Variants in NRP1 observed in about 807,000 individuals in gnomAD.
The protein encoded by NRP1 is neuropilin 1, also known as neuropilin-1.
A neutral mutation model predicts 106.7 loss-of-function variants in NRP1; 35 were observed. The observed-to-expected ratio is 0.33, with a 90% CI of 0.25 to 0.43. The LOEUF is 0.43. NRP1 is among the 20% of genes least tolerant of loss of function. The pLI, the probability that NRP1 is intolerant of heterozygous loss-of-function variation, is 1.00. For synonymous variants in NRP1, 437 were observed against 417.9 expected, an observed-to-expected ratio of 1.05 and a Z score of -0.56; for missense variants, 1,024 against 1,170.4, an observed-to-expected ratio of 0.87 and a Z score of 1.83.
In NRP1 at chr10:33,270,844, C is replaced by G; in HGVS notation, c.261G>C (p.Val87=). Residue 87 remains valine, a synonymous_variant, in exon 3 of 17, where the codon GTG becomes GTC. Transcript: ENST00000374867. ...LEDRDCKYDY[V]EVFDGENENG... ...TTTCATTTTCTCCATCGAAGACTTC[C>G]ACGTAGTCATACCTAATACACAAAC... 1 of 1,611,128 alleles carries G rather than the reference C, an allele frequency of 6.2e-7. No individual in the cohort carries two copies. The highest frequency in any genetic ancestry group is 8.5e-7 in the Non-Finnish European group (1 of 1,178,606).
intron 7 of NRP1, among the ~76,000 whole-genome samples, chr10:33,222,372 C>T (rs1174736589): frequency 1.3e-5 from 2 of 152,176 alleles, no homozygotes; most frequent in African/African-American, 4.8e-5. Context: ...TCTTGTCCCT[C>T]ACACTAATGC....
At chr10:33,270,902 C>T in intron 2 of NRP1, 46 bp from the exon 3 acceptor site, 2 of 1,486,072 alleles carry the variant, frequency 1.3e-6, no homozygotes, top group East Asian at 2.4e-5. Context: ...TGAGAAATGC[C>T]CTTTTAATTT....
At chr10:33,286,418 T>A (rs78193148) in intron 2 of NRP1, among the ~76,000 whole-genome samples, 1 of 152,262 alleles carries the variant, frequency 6.6e-6, no homozygotes, top group East Asian at 1.9e-4. Context: ...ATCCTCCTCC[T>A]ACATCTGCCC....
rs766252120 is a variant in NRP1 at position 33,197,634 on chromosome 10, G to T, written c.1924+16C>A. On this transcript the variant is annotated intron_variant, in intron 12 of 16. Coordinates refer to ENST00000374867, the MANE Select transcript of NRP1 (RefSeq NM_003873.7). ...AGGTACATGGAATCTGTCACATTTC[G>T]TATTTTATTTGATACCTGATTGTAT... 2 of 1,586,940 alleles carry T rather than the reference G, an allele frequency of 1.3e-6. No individual in the cohort carries two copies. Among genetic ancestry groups the T allele is most frequent in the South Asian group, 1.2e-5 (1 of 85,984 alleles).
intron 12 of NRP1, chr10:33,195,473 T>C (rs977872363): frequency 3.8e-6 from 2 of 533,046 alleles, no homozygotes; most frequent in Non-Finnish European, 7.7e-6. Context: ...CAAGATGAAA[T>C]AGTAAGACTC....
At chr10:33,266,443 C>T (rs949564940) in intron 3 of NRP1, among the ~76,000 whole-genome samples, 9 of 152,194 alleles carry the variant, frequency 5.9e-5, no homozygotes, top group African/African-American at 2.2e-4. Flanking sequence ...GTGAGTTGGA[C>T]TTTAGAATTT....
chr10:33,292,824 C>T (rs879606258), intron 2 of NRP1, among the ~76,000 whole-genome samples: 3 of 152,130 alleles, frequency 2.0e-5, no homozygotes, highest in Admixed American at 6.6e-5. Context: ...CCTGTCTCTA[C>T]TAAAAATACA....
rs747700938 is a variant in NRP1 at position 33,331,650 on chromosome 10, C to G, written c.74-768G>C. Reference sequence around the variant, plus strand: ...AGGTCTGGGTATCACATATGGTAACCCACATTCTCACATTCTGGGAAAGGT... The same window carrying G: ...AGGTCTGGGTATCACATATGGTAACGCACATTCTCACATTCTGGGAAAGGT... On this transcript the variant is annotated intron_variant, in intron 1 of 16. Transcript: ENST00000374867. 2.6e-5 allele frequency among the ~76,000 whole-genome samples: 4 copies of G among 152,250 alleles called. No homozygotes were observed. In the Middle Eastern group the frequency reaches 0.01, roughly 388 times the overall value.
At chr10:33,251,442 T>TC (rs2133154438) in intron 6 of NRP1, among the ~76,000 whole-genome samples, 1 of 152,152 alleles carries the variant, frequency 6.6e-6, no homozygotes, top group South Asian at 2.1e-4. Flanking sequence ...GAGGACGCTG[T>TC]CCCCCAAGTC....
intron 6 of NRP1, 93 bp downstream of exon 6, chr10:33,253,935 G>A: frequency 8.9e-7 from 1 of 1,129,830 alleles, no homozygotes; most frequent in East Asian, 2.4e-5. Flanking sequence ...CTCATTGGAG[G>A]CCATTTGGCA....
chr10:33,332,261 G>GT (rs1020243157), intron 1 of NRP1, among the ~76,000 whole-genome samples: 2 of 152,190 alleles, frequency 1.3e-5, no homozygotes, highest in Non-Finnish European at 2.9e-5. Context: ...TTGTAAAAGT[G>GT]TAAGCTTTGC....
intron 6 of NRP1, among the ~76,000 whole-genome samples, chr10:33,226,935 A>T (rs191525224): frequency 5.4e-4 from 82 of 152,264 alleles, no homozygotes; most frequent in Non-Finnish European, 1.8e-4. Context: ...CTGTACCCAG[A>T]CCACCTTGGG....
At chr10:33,324,614 G>A (rs774104025) in intron 2 of NRP1, among the ~76,000 whole-genome samples, 1 of 152,068 alleles carries the variant, frequency 6.6e-6, no homozygotes, top group African/African-American at 2.4e-5. Context: ...GACTTTCACT[G>A]TCTATGTTCA....
intron 1 of NRP1, 143 bp from the exon 2 acceptor site, chr10:33,331,025 T>C: frequency 1.5e-6 from 1 of 651,842 alleles, no homozygotes; most frequent in Non-Finnish European, 2.5e-6. Context: ...TTCGTGTGGC[T>C]CTGAGTGCAA....
rs1835963524 is a variant in NRP1, at chr10:33,185,766, C to T, written c.2335-42G>A. ...ATTTTCACAGTATTGAAATGCTCAT[C>T]TCACATGGCAGTGTTTACAAATGCT... is the stretch of plus-strand genomic sequence containing the variant. On this transcript the variant is annotated intron_variant, in intron 14 of 16. Transcript: ENST00000374867. 5 of 1,499,014 alleles carry T rather than the reference C, an allele frequency of 3.3e-6. No homozygotes were observed. The East Asian group carries it at 1.1e-4, about 34-fold the overall frequency. 92.9% of individuals were successfully genotyped at this position (1,499,014 alleles called of 1,614,324 possible). A position where few individuals can be genotyped will look rare whatever the true frequency, so the allele number is the denominator to read the frequency against.
At chr10:33,325,542 C>T (rs761150168) in intron 2 of NRP1, among the ~76,000 whole-genome samples, 5 of 152,118 alleles carry the variant, frequency 3.3e-5, no homozygotes, top group Middle Eastern at 3.4e-3. Flanking sequence ...TGTAAATGTG[C>T]GGGAATAATC....
At chr10:33,210,462 C>T (rs972235622) in intron 9 of NRP1, among the ~76,000 whole-genome samples, 7 of 152,176 alleles carry the variant, frequency 4.6e-5, no homozygotes, top group Non-Finnish European at 1.0e-4. Context: ...AAAGAATTAA[C>T]ACAATGTAAA....
intron 4 of NRP1, among the ~76,000 whole-genome samples, chr10:33,256,934 G>C (rs1842235394): frequency 6.6e-6 from 1 of 152,074 alleles, no homozygotes; most frequent in African/African-American, 2.4e-5. Flanking sequence ...GGAACCCTCT[G>C]GTCTGATCAG....
At chr10:33,260,248 A>C (rs1197025413) in intron 4 of NRP1, among the ~76,000 whole-genome samples, 1 of 152,100 alleles carries the variant, frequency 6.6e-6, no homozygotes, top group African/African-American at 2.4e-5. Context: ...GGCCATCTAT[A>C]TTTTTCTGAA....
Sources: allele counts gnomAD v4.1 joint callset (sites outside exome capture counted in the v4.1 genomes callset), GRCh38; gene constraint gnomAD v4.1.1; transcripts MANE v1.5; gene names NCBI Gene and HGNC (gene_info 2026-07-23, HGNC 2026-07-21).